Variants in CCDC85C observed in about 807,000 individuals in gnomAD.
CCDC85C encodes the protein coiled-coil domain containing 85C.
CCDC85C carries 18 observed loss-of-function variants against 38.3 expected under a neutral mutation model. The observed-to-expected ratio is 0.47, with a 90% CI of 0.33 to 0.70. The LOEUF (loss-of-function observed/expected upper bound fraction) is 0.70, where lower values mean the gene tolerates loss of function less well. Among genes scored for constraint, CCDC85C ranks in the 30% least tolerant of loss-of-function variants. The pLI is 0.03. For synonymous variants in CCDC85C, 264 were observed against 293.8 expected (o/e 0.90, Z 1.04); for missense variants, 566 against 621.2 (o/e 0.91, Z 0.94).
At chr14:99,534,905 G>C (rs897868920) in intron 2 of CCDC85C, 15 of 593,916 alleles carry the variant, frequency 2.5e-5, no homozygotes, top group Middle Eastern at 4.3e-4. Context: ...GCGCCTGTAT[G>C]GTGGTGGGGA....
intron 1 of CCDC85C, among the ~76,000 whole-genome samples, chr14:99,581,018 G>C (rs1300767181): frequency 1.3e-5 from 2 of 152,194 alleles, no homozygotes; most frequent in African/African-American, 2.4e-5. Context: ...GCCAAGTGCA[G>C]GGTAGGGGCT....
At chr14:99,529,644 C>T (rs4905847) in intron 2 of CCDC85C, among the ~76,000 whole-genome samples, 87,003 of 152,102 alleles carry the variant, frequency 0.57, 25,472 homozygotes, top group African/African-American at 0.7. Context: ...TCTCAGGTGA[C>T]CTGCCAGCCT....
chr14:99,557,645 T>C (rs1331501136), intron 1 of CCDC85C, among the ~76,000 whole-genome samples: 1 of 152,214 alleles, frequency 6.6e-6, no homozygotes, highest in Non-Finnish European at 1.5e-5. Flanking sequence ...GGCTCCCACA[T>C]GGCTCACACA....
chr14:99,577,977 T>C (rs1246227572), intron 1 of CCDC85C, among the ~76,000 whole-genome samples: 1 of 143,796 alleles, frequency 7.0e-6, no homozygotes, highest in Non-Finnish European at 1.5e-5. Flanking sequence ...CCATCCTGTA[T>C]CCATCGGTGT....
chr14:99,595,227 C>T (rs1252052070), intron 1 of CCDC85C, among the ~76,000 whole-genome samples: 1 of 151,664 alleles, frequency 6.6e-6, no homozygotes, highest in African/African-American at 2.4e-5. Flanking sequence ...CTCGGCTCTT[C>T]TTTTTGTTTT....
chr14:99,592,985 G>C lies in CCDC85C; in HGVS notation c.793+10182C>G, dbSNP rs557702399. ...TTTTCTGGAGAAAGGGTGGCTGGGTGGGGGGAGCGTCCCATTGTTCCACCA... is the reference window on the plus strand; with the variant it reads ...TTTTCTGGAGAAAGGGTGGCTGGGTCGGGGGAGCGTCCCATTGTTCCACCA... On this transcript the variant is annotated intron_variant, in intron 1 of 5. Transcript: ENST00000380243. Among the ~76,000 whole-genome samples the C allele has an allele frequency of 3.5e-4, 54 of 152,364 alleles. No homozygotes were observed. In the South Asian group the frequency reaches 9.3e-3, roughly 26 times the overall value.
At chr14:99,551,552 AGT>A (rs960159133) in intron 1 of CCDC85C, among the ~76,000 whole-genome samples, 9 of 136,622 alleles carry the variant, frequency 6.6e-5, no homozygotes, top group South Asian at 4.9e-4. Flanking sequence ...TGGGCAGGTG[AGT>A]GTGCAGGTGG....
At position 99,510,383 on chromosome 14, in the gene CCDC85C, G is replaced by A; in HGVS notation, c.*4863C>T. The A allele has an allele frequency of 1.9e-6, 3 of 1,574,780 alleles. No individual in the cohort carries two copies. Among genetic ancestry groups the A allele is most frequent in the Non-Finnish European group, 2.6e-6 (3 of 1,162,764 alleles). ...CTGGAGAGGGCTACCAGAGCCTGCA[G>A]TCCATGATGAAGACCGAGGGACCCT... On this transcript the variant is annotated 3_prime_UTR_variant, in exon 6 of 6. Coordinates refer to ENST00000380243, the MANE Select transcript of CCDC85C (RefSeq NM_001144995.2).
At chr14:99,556,209 G>A (rs929202537) in intron 1 of CCDC85C, among the ~76,000 whole-genome samples, 2 of 152,198 alleles carry the variant, frequency 1.3e-5, no homozygotes, top group African/African-American at 2.4e-5. Context: ...TTGAGCCCAG[G>A]AGTTCAAGAC....
chr14:99,568,789 G>C (rs1181068507), intron 1 of CCDC85C, among the ~76,000 whole-genome samples: 1 of 152,250 alleles, frequency 6.6e-6, no homozygotes, highest in Non-Finnish European at 1.5e-5. Flanking sequence ...CAGGCTCTGA[G>C]AAAAGGGCAG....
chr14:99,537,585 C>A (rs562397394), intron 1 of CCDC85C, among the ~76,000 whole-genome samples: 24 of 152,218 alleles, frequency 1.6e-4, no homozygotes, highest in Admixed American at 6.5e-4. Context: ...GAGCGCAAAC[C>A]AGCCTCCCCT....
chr14:99,581,291 C>T (rs979556535), intron 1 of CCDC85C, among the ~76,000 whole-genome samples: 2 of 152,208 alleles, frequency 1.3e-5, no homozygotes, highest in African/African-American at 4.8e-5. Context: ...AACCCAGAGC[C>T]CCGTGAACAG....
intron 3 of CCDC85C, among the ~76,000 whole-genome samples, 194 bp downstream of exon 3, chr14:99,521,939 G>A (rs1411421905): frequency 5.3e-5 from 8 of 152,224 alleles, no homozygotes; most frequent in African/African-American, 1.7e-4. Flanking sequence ...AGACTGCCCC[G>A]CACCTCCAGC....
chr14:99,532,211 G>A (rs746492822), intron 2 of CCDC85C, among the ~76,000 whole-genome samples: 52 of 152,238 alleles, frequency 3.4e-4, no homozygotes, highest in Non-Finnish European at 5.3e-4. Flanking sequence ...AGAGAGCTCA[G>A]GGCAAGCACC....
At position 99,533,137 on chromosome 14, in the gene CCDC85C, G is replaced by A. The variant is rs535493497; in HGVS notation, c.867+2878C>T. Among the ~76,000 whole-genome samples, 13 of 152,152 alleles carry A rather than the reference G, an allele frequency of 8.5e-5. No homozygotes were observed. The highest frequency in any genetic ancestry group is 1.8e-4 in the Non-Finnish European group (12 of 68,020). ...GCTCTGGGGATGCCACCAGCTCCTG[G>A]AGCCTTTGTTATGAGGTTCAGGGGC... On this transcript the variant is annotated intron_variant, in intron 2 of 5. Coordinates refer to ENST00000380243, the MANE Select transcript of CCDC85C (RefSeq NM_001144995.2). This position sits in a 1 kb window ranked among gnomAD's most constrained non-coding sequence, Gnocchi z 4.2.
At chr14:99,567,256 G>A (rs376463677) in intron 1 of CCDC85C, among the ~76,000 whole-genome samples, 4 of 152,144 alleles carry the variant, frequency 2.6e-5, no homozygotes, top group Admixed American at 6.5e-5. Flanking sequence ...AGCCAGGCAC[G>A]GTCTATACAC....
rs111754976 is a variant in CCDC85C at position 99,544,489 on chromosome 14, G to GGTGTGTGTGTGT, written c.794-8413_794-8402dup. Among the ~76,000 whole-genome samples the GGTGTGTGTGTGT allele has an allele frequency of 6.8e-6, 1 of 147,920 alleles. No homozygotes were observed. The highest frequency in any genetic ancestry group is 2.2e-4 in the South Asian group (1 of 4,582). ...ATAAAAACAGGGCTAAAATTTGAAG[G>GGTGTGTGTGTGT]GTGTGTGTGTGTGTGTGTGTGTGTG... On this transcript the variant is annotated intron_variant, in intron 1 of 5. Coordinates refer to ENST00000380243, the MANE Select transcript of CCDC85C (RefSeq NM_001144995.2). The surrounding 1 kb of genome is among the most constrained non-coding windows in gnomAD (Gnocchi z 5.3).
In CCDC85C at chr14:99,502,196, T is replaced by C. The variant is rs752048328; in HGVS notation, c.*13050A>G. The C allele has an allele frequency of 1.9e-6, 3 of 1,564,352 alleles. No homozygotes were observed. Among genetic ancestry groups the C allele is most frequent in the Admixed American group, 3.9e-5 (2 of 51,770 alleles). ...CATATTATCTAACCTTTTTTTTTCT[T>C]GTTGAACTAGTCTCTGCACCACCTT... is the stretch of plus-strand genomic sequence containing the variant. On this transcript the variant is annotated 3_prime_UTR_variant, in exon 6 of 6. Coordinates refer to ENST00000380243, the MANE Select transcript of CCDC85C (RefSeq NM_001144995.2).
chr14:99,536,497 C>A (rs1897603646), intron 1 of CCDC85C, among the ~76,000 whole-genome samples: 1 of 152,182 alleles, frequency 6.6e-6, no homozygotes, highest in Non-Finnish European at 1.5e-5. Flanking sequence ...ACAAACACAG[C>A]CAGGGCACAG....
Sources: allele counts gnomAD v4.1 joint callset (sites outside exome capture counted in the v4.1 genomes callset), GRCh38; gene constraint gnomAD v4.1.1; non-coding constraint Gnocchi (gnomAD v3.1); transcripts MANE v1.5; gene names NCBI Gene and HGNC (gene_info 2026-07-23, HGNC 2026-07-21).